GIN1: variants seen among roughly 807,000 people sequenced by gnomAD.
GIN1 encodes gypsy retrotransposon integrase-like protein 1.
GIN1 carries 41 observed loss-of-function variants against 51.4 expected under a neutral mutation model. That is an observed-to-expected ratio of 0.80 (90% CI 0.62 to 1.04). GIN1 has a LOEUF of 1.04. Among genes scored for constraint, GIN1 ranks in the 50% least tolerant of loss-of-function variants. The probability of loss-of-function intolerance (pLI) is 0.00; values close to 1 mark genes in which losing one functional copy is unlikely to be tolerated. For missense variants in GIN1, 610 were observed against 612.4 expected (o/e 1.00, Z 0.04); for synonymous variants, 222 against 206.5 (o/e 1.07, Z -0.64).
chr5:103,097,381 G>T lies in GIN1; in HGVS notation c.941C>A (p.Ala314Asp). ...EVDGDNTSMF[A>D]KILDAIKEAD... ...TTCTTTAATTGCATCTAGAATTTTG[G>T]CAAACATACTTGTATTATCACCATC... The change falls in exon 6 of 8, where the codon GCC (alanine) becomes GAC (aspartate). Residue 314 changes from alanine to aspartate, a missense_variant. Transcript: ENST00000399004. 6.3e-7 allele frequency: 1 copy of T among 1,594,078 alleles called. No individual in the cohort carries two copies. Among genetic ancestry groups the T allele is most frequent in the Non-Finnish European group, 8.6e-7 (1 of 1,162,206 alleles).
chr5:103,098,451 A>G (rs1562328796), intron 4 of GIN1, among the ~76,000 whole-genome samples: 2 of 152,170 alleles, frequency 1.3e-5, no homozygotes, highest in East Asian at 3.8e-4. Context: ...ACAGAACTTA[A>G]CGTTAACTTT....
intron 1 of GIN1, among the ~76,000 whole-genome samples, chr5:103,115,255 C>A (rs746273188): frequency 6.6e-6 from 1 of 152,128 alleles, no homozygotes; most frequent in Non-Finnish European, 1.5e-5. Flanking sequence ...ACATCACCCA[C>A]AACAGCCAAA....
chr5:103,091,062 CTGTT>C (rs1168299473), intron 7 of GIN1, among the ~76,000 whole-genome samples: 1 of 152,130 alleles, frequency 6.6e-6, no homozygotes, highest in Admixed American at 6.6e-5. Context: ...TGTCAAAGGC[CTGTT>C]TGTTTACAAA....
At chr5:103,113,802 G>T (rs1403353806) in intron 1 of GIN1, among the ~76,000 whole-genome samples, 1 of 152,136 alleles carries the variant, frequency 6.6e-6, no homozygotes, top group Non-Finnish European at 1.5e-5. Flanking sequence ...GCTTACAGGT[G>T]TGAGCCACCG....
chr5:103,099,066 A>G (rs534326102), intron 4 of GIN1, among the ~76,000 whole-genome samples: 92 of 152,266 alleles, frequency 6.0e-4, no homozygotes, highest in African/African-American at 2.1e-3. Context: ...TTAAAAAAGA[A>G]TATTTCAGAC....
At position 103,106,848 on chromosome 5, in the gene GIN1, T is replaced by C. The variant is rs1787740066; in HGVS notation, c.201A>G (p.Glu67=). 3 of 1,599,906 alleles carry C rather than the reference T, an allele frequency of 1.9e-6. No homozygotes were observed. In the African/African-American group the frequency reaches 4.0e-5, roughly 22 times the overall value. The change falls in exon 3 of 8, where the codon GAA becomes GAG. Residue 67 remains glutamate (E), a synonymous_variant. Coordinates refer to ENST00000399004, the MANE Select transcript of GIN1 (RefSeq NM_017676.2). ...RKQNRLVIVS[E]EEKKKVLREC... ...CTCTTAAGACTTTCTTTTTTTCCTC[T>C]TCTGAAACAATTACCAAACGATTTT...
In GIN1 at chr5:103,108,618, T is replaced by C. The variant is rs1554196601; in HGVS notation, c.90A>G (p.Pro30=). The C allele has an allele frequency of 1.9e-6, 3 of 1,606,516 alleles. No homozygotes were observed. The highest frequency in any genetic ancestry group is 2.6e-6 in the Non-Finnish European group (3 of 1,174,222). The stretch of plus-strand genomic sequence containing the variant: ...CTCTTCTTATGCCACTTCTCTCACT[T>C]GGCAGTGTAGTTGAATGATATTCAC... ...RTGEYHSTTL[P]SERSGIRRAA... The change falls in exon 2 of 8, where the codon CCA becomes CCG. Residue 30 remains proline (P), a synonymous_variant. Transcript: ENST00000399004.
In GIN1 at chr5:103,107,365, GCTT is replaced by G. The variant is rs144031903; in HGVS notation, c.140-459_140-457del. Among the ~76,000 whole-genome samples the G allele has an allele frequency of 5.2e-3, 799 of 152,194 alleles. 7 individuals are homozygous for G. Among genetic ancestry groups the G allele is most frequent in the African/African-American group, 0.017 (713 of 41,548 alleles). On this transcript the variant is annotated intron_variant, in intron 2 of 7. Transcript: ENST00000399004. The stretch of plus-strand genomic sequence containing the variant: ...TTTTTGCAAGCAAACAGCTCTCTCA[GCTT>G]CTTCTATATTTGAGAAGGTAGGGAT...
At position 103,112,478 on chromosome 5, in the gene GIN1, G is replaced by C. The variant is rs1180907827; in HGVS notation, c.-7-3764C>G. ...TCTTCCACTTAGTGGCTAAGGTCTAGACTATTTAGCCTACCCTCTACAACC... is the reference window on the plus strand; with the variant it reads ...TCTTCCACTTAGTGGCTAAGGTCTACACTATTTAGCCTACCCTCTACAACC... On this transcript the variant is annotated intron_variant, in intron 1 of 7. Transcript: ENST00000399004. 2.6e-5 allele frequency among the ~76,000 whole-genome samples: 4 copies of C among 152,152 alleles called. No individual in the cohort carries two copies. In the East Asian group the frequency reaches 7.7e-4, roughly 29 times the overall value.
chr5:103,092,113 G>C (rs1168278707), intron 7 of GIN1, among the ~76,000 whole-genome samples: 10 of 151,848 alleles, frequency 6.6e-5, no homozygotes, highest in Non-Finnish European at 1.3e-4. Flanking sequence ...AGTCTCCCGG[G>C]CTCAAGTGAT....
At chr5:103,089,090 A>T (rs1787163551) in intron 7 of GIN1, among the ~76,000 whole-genome samples, 1 of 152,200 alleles carries the variant, frequency 6.6e-6, no homozygotes, top group Non-Finnish European at 1.5e-5. Context: ...ATTTAAATCT[A>T]ATTTGATACC....
intron 1 of GIN1, among the ~76,000 whole-genome samples, chr5:103,109,475 T>C (rs1239511620): frequency 6.6e-6 from 1 of 152,122 alleles, no homozygotes; most frequent in Non-Finnish European, 1.5e-5. Flanking sequence ...TTAAACAGCT[T>C]ACCAATTCAC....
intron 7 of GIN1, among the ~76,000 whole-genome samples, chr5:103,096,288 C>A (rs1161952534): frequency 6.6e-6 from 1 of 151,918 alleles, no homozygotes; most frequent in African/African-American, 2.4e-5. Context: ...TGCAGTGAGC[C>A]AAGATCGCGC....
rs782184335 is a variant in GIN1 at position 103,108,629 on chromosome 5, T to C, written c.79A>G (p.Thr27Ala). 30 of 1,603,914 alleles carry C rather than the reference T, an allele frequency of 1.9e-5. No homozygotes were observed. The highest frequency in any genetic ancestry group is 4.5e-5 in the East Asian group (2 of 44,744). Residue 27 changes from threonine (T) to alanine (A), a missense_variant, in exon 2 of 8, where the codon ACT (threonine) becomes GCT (alanine). Transcript: ENST00000399004. ...YYKRTGEYHSTTLPSERSGIR... is the reference protein window; with the variant it reads ...YYKRTGEYHSATLPSERSGIR... ...CCACTTCTCTCACTTGGCAGTGTAG[T>C]TGAATGATATTCACCAGTTCGTTTG... is the stretch of plus-strand genomic sequence containing the variant.
chr5:103,101,370 C>T (rs553469717), intron 4 of GIN1, among the ~76,000 whole-genome samples: 13 of 152,328 alleles, frequency 8.5e-5, no homozygotes, highest in Non-Finnish European at 1.3e-4. Context: ...AATTAAAAAA[C>T]TTTTAAATCA....
chr5:103,113,521 CT>C (rs368036001), intron 1 of GIN1, among the ~76,000 whole-genome samples: 2,421 of 132,484 alleles, frequency 0.018, 53 homozygotes, highest in African/African-American at 0.061. Flanking sequence ...AGTTCCACCT[CT>C]TTTTTTTTTT....
intron 2 of GIN1, among the ~76,000 whole-genome samples, chr5:103,107,714 C>T (rs1787766047): frequency 6.6e-6 from 1 of 151,962 alleles, no homozygotes; most frequent in South Asian, 2.1e-4. Context: ...CAGCAGAAAC[C>T]CAGTTAACAT....
At chr5:103,099,336 T>A (rs1227471362) in intron 4 of GIN1, among the ~76,000 whole-genome samples, 1 of 151,680 alleles carries the variant, frequency 6.6e-6, no homozygotes, top group African/African-American at 2.4e-5. Flanking sequence ...ACAATAGGAG[T>A]GACTCTCAAT....
chr5:103,112,387 C>T (rs1787913419), intron 1 of GIN1, among the ~76,000 whole-genome samples: 1 of 152,146 alleles, frequency 6.6e-6, no homozygotes, highest in Admixed American at 6.6e-5. Flanking sequence ...CTATCCCTAG[C>T]ATATTTTTAT....
Sources: gnomAD v4.1 joint callset for allele counts (sites outside exome capture counted in the v4.1 genomes callset) on GRCh38, gnomAD v4.1.1 for gene constraint, MANE v1.5 for transcripts, NCBI Gene and HGNC (gene_info 2026-07-23, HGNC 2026-07-21) for gene names.